The following AFG3L2 variants were observed in gnomAD, a reference collection of about 807,000 sequenced individuals.
AFG3L2 encodes mitochondrial inner membrane m-AAA protease component AFG3L2.
A neutral mutation model predicts 94.5 loss-of-function variants in AFG3L2; 54 were observed. That is an observed-to-expected ratio of 0.57 (90% confidence interval 0.46 to 0.72). The LOEUF (loss-of-function observed/expected upper bound fraction) is 0.72. AFG3L2 is among the 30% of genes least tolerant of loss of function. The pLI, the probability that AFG3L2 is intolerant of heterozygous loss-of-function variation, is 0.00. For missense variants in AFG3L2, 754 were observed against 994.9 expected (o/e 0.76, Z 3.26); for synonymous variants, 377 against 365.5 (o/e 1.03, Z -0.36).
chr18:12,369,039 T>C (rs913396679), intron 3 of AFG3L2, among the ~76,000 whole-genome samples: 2 of 152,056 alleles, frequency 1.3e-5, no homozygotes, highest in Non-Finnish European at 2.9e-5. Context: ...CTATGCTGCA[T>C]ACGAGGGGCT....
chr18:12,373,974 A>T (rs1233669342), intron 1 of AFG3L2, among the ~76,000 whole-genome samples: 1 of 152,206 alleles, frequency 6.6e-6, no homozygotes. Flanking sequence ...TGGTGAGGCC[A>T]AACTCAAACC....
chr18:12,331,794 A>T (rs1352070662), intron 16 of AFG3L2, among the ~76,000 whole-genome samples: 1 of 94,676 alleles, frequency 1.1e-5, no homozygotes, highest in African/African-American at 3.8e-5. Context: ...AGTCTGTCTA[A>T]AAGTAAATAA....
chr18:12,333,266 T>TTATATAGATTATATATAATA, intron 16 of AFG3L2, among the ~76,000 whole-genome samples: 1 of 128,782 alleles, frequency 7.8e-6, no homozygotes, highest in East Asian at 2.1e-4. Context: ...AGATTATATA[T>TTATATAGATTATATATAATA]TATAAATATA....
In AFG3L2 at chr18:12,370,880, A is replaced by G. The variant is rs767216920; in HGVS notation, c.261T>C (p.Ser87=). ...TCTCTCCCATAACTTCTTTAGGTTCACTAGCTTTTTTTCCATTTTTTCCAT... is the reference window on the plus strand; with the variant it reads ...TCTCTCCCATAACTTCTTTAGGTTCGCTAGCTTTTTTTCCATTTTTTCCAT... ...FPNGKNGKKA[S]EPKEVMGEKK... The change falls in exon 3 of 17, where the codon AGT becomes AGC. Residue 87 remains serine, a synonymous_variant. Transcript: ENST00000269143. 1.3e-5 allele frequency: 20 copies of G among 1,589,324 alleles called. No individual in the cohort carries two copies. In the Admixed American group the frequency reaches 3.0e-4, roughly 24 times the overall value.
At chr18:12,334,010 G>T (rs1907667423) in intron 16 of AFG3L2, among the ~76,000 whole-genome samples, 1 of 152,218 alleles carries the variant, frequency 6.6e-6, no homozygotes, top group South Asian at 2.1e-4. Context: ...CACCTCATGA[G>T]GTCACAGGGT....
chr18:12,359,849 C>A, intron 7 of AFG3L2, 78 bp downstream of exon 7: 1 of 1,573,492 alleles, frequency 6.4e-7, no homozygotes, highest in Admixed American at 1.7e-5. Context: ...TAATGTATAG[C>A]CCTGCACCCA....
At chr18:12,357,706 T>C (rs1296524582) in intron 8 of AFG3L2, among the ~76,000 whole-genome samples, 1 of 152,128 alleles carries the variant, frequency 6.6e-6, no homozygotes, top group East Asian at 1.9e-4. Flanking sequence ...GAAGCGATTC[T>C]CCTGCCTCAG....
chr18:12,329,235 G>T lies in AFG3L2; in HGVS notation c.*330C>A. On this transcript the variant is annotated 3_prime_UTR_variant, in exon 17 of 17. Coordinates refer to ENST00000269143, the MANE Select transcript of AFG3L2 (RefSeq NM_006796.3). ...CCTTCCCACACGCCAAGAGTCCAGT[G>T]CAACGATCCCTGCCACACGGTCAGC... is the stretch of plus-strand genomic sequence containing the variant. 1 of 702,548 alleles carries T rather than the reference G, an allele frequency of 1.4e-6. No homozygotes were observed. The highest frequency in any genetic ancestry group is 2.6e-6 in the Non-Finnish European group (1 of 384,984). The allele number at this position is 702,548 out of a possible 1,614,324, so 43.5% of individuals were successfully genotyped here.
intron 1 of AFG3L2, among the ~76,000 whole-genome samples, chr18:12,374,865 G>T (rs1235860203): frequency 2.6e-5 from 4 of 152,160 alleles, no homozygotes; most frequent in Admixed American, 6.5e-5. Context: ...AGACCAGCCT[G>T]GCCAACAAGG....
chr18:12,371,360 TGTACAA>T (rs936449317), intron 2 of AFG3L2, among the ~76,000 whole-genome samples: 5 of 151,892 alleles, frequency 3.3e-5, no homozygotes, highest in African/African-American at 1.2e-4. Context: ...ACATTTCTTG[TGTACAA>T]GTACATCAAA....
intron 6 of AFG3L2, 84 bp downstream of exon 6, chr18:12,363,698 A>G: frequency 9.4e-7 from 1 of 1,066,680 alleles, no homozygotes; most frequent in Non-Finnish European, 1.5e-6. Context: ...TAACTCCTAG[A>G]GTATGAGGCA....
chr18:12,353,018 C>T lies in AFG3L2; in HGVS notation c.1305G>A (p.Leu435=), dbSNP rs1415041551. The change falls in exon 10 of 17, where the codon CTG becomes CTA. Residue 435 remains leucine, a synonymous_variant. Transcript: ENST00000269143. ...TTGACCACTCACCATCCATCTCCAC[C>T]AGCAGCTGGTTGAGTGTGTTCTCCT... ...SEQENTLNQL[L]VEMDGFNTTT... 4 of 1,614,018 alleles carry T rather than the reference C, an allele frequency of 2.5e-6. No individual in the cohort carries two copies. The highest frequency in any genetic ancestry group is 1.3e-5 in the African/African-American group (1 of 75,022).
chr18:12,336,974 A>G (rs1013398556), intron 16 of AFG3L2: 27 of 480,666 alleles, frequency 5.6e-5, no homozygotes, highest in African/African-American at 4.2e-4. Flanking sequence ...ATCTTTCACT[A>G]CCTATTTATT....
chr18:12,331,047 G>A (rs967238535), intron 16 of AFG3L2, among the ~76,000 whole-genome samples: 12 of 152,180 alleles, frequency 7.9e-5, no homozygotes, highest in African/African-American at 2.7e-4. Context: ...TGCTAACAAC[G>A]TTTCAGTCAA....
chr18:12,375,610 C>A (rs1018482305), intron 1 of AFG3L2, among the ~76,000 whole-genome samples: 15 of 152,072 alleles, frequency 9.9e-5, no homozygotes, highest in African/African-American at 3.4e-4. Flanking sequence ...CAGTGGCCCG[C>A]TCTTGGCTCA....
intron 16 of AFG3L2, among the ~76,000 whole-genome samples, chr18:12,330,552 C>T (rs1272405579): frequency 6.6e-6 from 1 of 152,008 alleles, no homozygotes; most frequent in African/African-American, 2.4e-5. Context: ...CCGAGGTGGG[C>T]GGATCACCTG....
intron 14 of AFG3L2, 45 bp downstream of exon 14, chr18:12,344,087 T>C (rs199706026): frequency 1.5e-5 from 23 of 1,511,872 alleles, no homozygotes; most frequent in Non-Finnish European, 2.0e-5. Flanking sequence ...AGCGAGCATC[T>C]GCTCACCCAT....
chr18:12,351,549 G>GTT (rs34791958), intron 10 of AFG3L2, 136 bp from the exon 11 acceptor site: 2,835 of 606,506 alleles, frequency 4.7e-3, no homozygotes, highest in Non-Finnish European at 5.6e-3. Flanking sequence ...AGTGTTTTTT[G>GTT]TTTTTTTTTT....
intron 14 of AFG3L2, chr18:12,342,723 G>A (rs935709683): frequency 2.6e-5 from 4 of 152,058 alleles, no homozygotes; most frequent in African/African-American, 7.2e-5. Flanking sequence ...AAGGGTTAAC[G>A]TTCACCATTT....
Sources: allele counts gnomAD v4.1 joint callset (sites outside exome capture counted in the v4.1 genomes callset), GRCh38; gene constraint gnomAD v4.1.1; transcripts MANE v1.5; gene names NCBI Gene and HGNC (gene_info 2026-07-23, HGNC 2026-07-21).